STXBP5: variants seen among roughly 807,000 people sequenced by gnomAD.
The protein encoded by STXBP5 is syntaxin binding protein 5, also known as syntaxin-binding protein 5.
Under a neutral mutation model 152.4 loss-of-function variants are expected in STXBP5, and 50 were observed. The ratio of observed to expected loss-of-function variants is 0.33; its 90% CI spans 0.26 to 0.42. STXBP5 has a LOEUF of 0.42. STXBP5 is among the 10% of genes least tolerant of loss of function. The pLI, the probability that STXBP5 is intolerant of heterozygous loss-of-function variation, is 1.00. For synonymous variants in STXBP5, 492 were observed against 494.7 expected, an observed-to-expected ratio of 0.99 and a Z score of 0.07; for missense variants, 1,167 against 1,388.6, an observed-to-expected ratio of 0.84 and a Z score of 2.54.
chr6:147,233,937 A>C (rs565626931), intron 2 of STXBP5, among the ~76,000 whole-genome samples: 1 of 150,748 alleles, frequency 6.6e-6, no homozygotes, highest in Non-Finnish European at 1.5e-5. Flanking sequence ...GTAGGATACT[A>C]TGAGCTAAAC....
At chr6:147,329,915 C>G (rs1783482853) in intron 18 of STXBP5, among the ~76,000 whole-genome samples, 1 of 152,040 alleles carries the variant, frequency 6.6e-6, no homozygotes. Flanking sequence ...GCGTGAGCCA[C>G]CGCGCCCGGC....
chr6:147,351,851 A>G, intron 21 of STXBP5: 1 of 985,336 alleles, frequency 1.0e-6, no homozygotes, highest in Non-Finnish European at 1.2e-6. Flanking sequence ...GTCATGTATG[A>G]CTGGATTTCT....
intron 18 of STXBP5, 80 bp downstream of exon 18, chr6:147,327,356 A>G (rs1327748350): frequency 2.7e-6 from 4 of 1,482,996 alleles, no homozygotes; most frequent in Non-Finnish European, 3.6e-6. Context: ...TAAGTATTAT[A>G]GTTAGGTAAA....
chr6:147,374,109 C>T (rs143912912), intron 26 of STXBP5, among the ~76,000 whole-genome samples: 2 of 152,216 alleles, frequency 1.3e-5, no homozygotes, highest in East Asian at 3.9e-4. Flanking sequence ...GTAGGAAGTA[C>T]TTACTTTATG....
At chr6:147,259,558 T>C (rs1288185807) in intron 4 of STXBP5, among the ~76,000 whole-genome samples, 1 of 152,188 alleles carries the variant, frequency 6.6e-6, no homozygotes, top group Admixed American at 6.5e-5. Context: ...GATAAGTGTT[T>C]TCATCTTGAA....
chr6:147,324,263 G>GTTTTTTTTTTTTTTT (rs764684701), intron 16 of STXBP5, among the ~76,000 whole-genome samples: 13 of 85,030 alleles, frequency 1.5e-4, no homozygotes, highest in East Asian at 3.1e-4. Context: ...GTTTTTTTTT[G>GTTTTTTTTTTTTTTT]GTTTTTTTTT....
rs1266522225 is a variant in STXBP5 at position 147,359,081 on chromosome 6, C to T, written c.2306-3C>T. ...AATCTCACAACATTTTTAACCATTT[C>T]AGATGTAAAGGATAACTCCTTTAGC... is the stretch of plus-strand genomic sequence containing the variant. On this transcript the variant is annotated splice_region_variant and splice_polypyrimidine_tract_variant and intron_variant, in intron 22 of 27. Transcript: ENST00000321680. 1 of 1,612,494 alleles carries T rather than the reference C, an allele frequency of 6.2e-7. No homozygotes were observed. Among genetic ancestry groups the T allele is most frequent in the East Asian group, 2.2e-5 (1 of 44,842 alleles).
At chr6:147,232,779 T>C (rs1263084279) in intron 2 of STXBP5, among the ~76,000 whole-genome samples, 1 of 151,878 alleles carries the variant, frequency 6.6e-6, no homozygotes, top group Non-Finnish European at 1.5e-5. Flanking sequence ...ATTTTTATCA[T>C]GTTAGCTAGA....
Position 147,315,500 on chromosome 6 carries a change from T to G in STXBP5, c.1403-15T>G. 6.6e-7 allele frequency: 1 copy of G among 1,522,172 alleles called. No homozygotes were observed. Among genetic ancestry groups the G allele is most frequent in the Non-Finnish European group, 9.1e-7 (1 of 1,103,720 alleles). 94.3% of individuals were successfully genotyped at this position (1,522,172 alleles called of 1,614,324 possible). On this transcript the variant is annotated splice_polypyrimidine_tract_variant and intron_variant, in intron 14 of 27. Transcript: ENST00000321680. ...TTTATATTAAAGTATCTGACATATA[T>G]TATCTTTTTTCCAGTAACTCTACAA...
chr6:147,217,102 T>C (rs1777208342), intron 2 of STXBP5, among the ~76,000 whole-genome samples: 1 of 152,252 alleles, frequency 6.6e-6, no homozygotes, highest in African/African-American at 2.4e-5. Flanking sequence ...CCTCTGCTGT[T>C]TCACAGCAGC....
intron 2 of STXBP5, among the ~76,000 whole-genome samples, chr6:147,220,659 C>G (rs1002207187): frequency 4.6e-5 from 7 of 152,100 alleles, no homozygotes; most frequent in Admixed American, 4.6e-4. Flanking sequence ...GGTCTGAAGT[C>G]TGTGTCTGAA....
At chr6:147,238,479 T>C (rs1355540683) in intron 3 of STXBP5, among the ~76,000 whole-genome samples, 1 of 152,194 alleles carries the variant, frequency 6.6e-6, no homozygotes, top group Non-Finnish European at 1.5e-5. Flanking sequence ...AATTTCAACA[T>C]GATGCGTTTT....
chr6:147,371,137 A>C (rs1785521485), intron 25 of STXBP5, among the ~76,000 whole-genome samples: 1 of 152,086 alleles, frequency 6.6e-6, no homozygotes, highest in South Asian at 2.1e-4. Context: ...TCTACTATGA[A>C]TAGATGTAGC....
intron 2 of STXBP5, among the ~76,000 whole-genome samples, chr6:147,234,334 T>G (rs1236735535): frequency 6.6e-6 from 1 of 151,920 alleles, no homozygotes; most frequent in Non-Finnish European, 1.5e-5. Context: ...TAACAGTGCC[T>G]GGCACATAGT....
intron 18 of STXBP5, 126 bp downstream of exon 18, chr6:147,327,402 C>CA (rs35191215): frequency 9.2e-7 from 1 of 1,085,498 alleles, no homozygotes; most frequent in Non-Finnish European, 1.3e-6. Flanking sequence ...TATAAACTGC[C>CA]AAAAACTAGC....
intron 19 of STXBP5, among the ~76,000 whole-genome samples, chr6:147,335,295 T>C (rs1316990348): frequency 1.3e-5 from 2 of 152,198 alleles, no homozygotes; most frequent in Non-Finnish European, 2.9e-5. Context: ...CCTAGGACTG[T>C]TTATTTCTGA....
chr6:147,334,516 T>A (rs1783733389), intron 19 of STXBP5, among the ~76,000 whole-genome samples: 1 of 152,146 alleles, frequency 6.6e-6, no homozygotes. Flanking sequence ...TCCTTGCCAT[T>A]GGATCAAATG....
At chr6:147,206,220 A>C in intron 2 of STXBP5, 152 bp downstream of exon 2, 1 of 640,432 alleles carries the variant, frequency 1.6e-6, no homozygotes, top group East Asian at 2.8e-5. Flanking sequence ...TCCCTTGATT[A>C]TAATTCAGCT....
At chr6:147,341,100 T>C (rs1298550923) in intron 21 of STXBP5, among the ~76,000 whole-genome samples, 1 of 152,160 alleles carries the variant, frequency 6.6e-6, no homozygotes, top group Admixed American at 6.5e-5. Context: ...TCACAAGATT[T>C]GGGTATACAG....
Sources: gnomAD v4.1 joint callset for allele counts (sites outside exome capture counted in the v4.1 genomes callset) on GRCh38, gnomAD v4.1.1 for gene constraint, MANE v1.5 for transcripts, NCBI Gene and HGNC (gene_info 2026-07-23, HGNC 2026-07-21) for gene names.